The following DIP2C variants were observed in gnomAD, a reference collection of about 807,000 sequenced individuals.
DIP2C encodes the protein DIP2 acetate--CoA ligase C (putative).
Under a neutral mutation model 192.4 loss-of-function variants are expected in DIP2C, and 33 were observed. The ratio of observed to expected loss-of-function variants is 0.17; its 90% CI spans 0.13 to 0.23. The LOEUF is 0.23. Among genes scored for constraint, DIP2C ranks in the 10% least tolerant of loss-of-function variants. DIP2C has a pLI of 1.00. For missense variants in DIP2C, 1,537 were observed against 2,110.1 expected (o/e 0.73, Z 5.32); for synonymous variants, 979 against 864.1 (o/e 1.13, Z -2.33).
intron 1 of DIP2C, among the ~76,000 whole-genome samples, chr10:557,390 C>T (rs370439240): frequency 1.3e-5 from 2 of 151,770 alleles, no homozygotes; most frequent in African/African-American, 4.8e-5. Flanking sequence ...TACAGTCATA[C>T]GTGTGTGTTG....
Position 357,966 on chromosome 10 carries a change from G to T in DIP2C, c.2795-29C>A, listed in dbSNP as rs1420517622. 4 of 1,563,376 alleles carry T rather than the reference G, an allele frequency of 2.6e-6. No homozygotes were observed. The African/African-American group carries it at 5.4e-5, about 21-fold the overall frequency. On this transcript the variant is annotated intron_variant, in intron 22 of 36. Coordinates refer to ENST00000280886, the MANE Select transcript of DIP2C (RefSeq NM_014974.3). Reference sequence around the variant, plus strand: ...GAAAGAAACAGAGACATGGCCATGAGGAAACAAAAGAGAAATTCCTTCAGA... The same window carrying T: ...GAAAGAAACAGAGACATGGCCATGATGAAACAAAAGAGAAATTCCTTCAGA...
chr10:389,853 C>A, intron 13 of DIP2C, 138 bp downstream of exon 13: 1 of 715,802 alleles, frequency 1.4e-6, no homozygotes, highest in East Asian at 2.6e-5. Flanking sequence ...TATCCTAACT[C>A]AACAATAAGT....
In DIP2C at chr10:359,112, C is replaced by T. The variant is rs74993797; in HGVS notation, c.2795-1175G>A. Among the ~76,000 whole-genome samples the T allele has an allele frequency of 3.0e-4, 45 of 152,224 alleles. No individual in the cohort carries two copies. The East Asian group carries it at 7.0e-3, about 24-fold the overall frequency. ...GACACACGTGCCCAGATGCAGCTGA[C>T]GGGGCAGTGGCACAGAACAAGGCTT... On this transcript the variant is annotated intron_variant, in intron 22 of 36. Transcript: ENST00000280886.
chr10:284,559 G>T (rs1258056217), intron 34 of DIP2C, among the ~76,000 whole-genome samples: 2 of 152,228 alleles, frequency 1.3e-5, no homozygotes, highest in African/African-American at 4.8e-5. Context: ...GTTCATAGAA[G>T]CGGAGGGTAA....
At chr10:306,443 C>T (rs2132298899) in intron 32 of DIP2C, among the ~76,000 whole-genome samples, 1 of 152,320 alleles carries the variant, frequency 6.6e-6, no homozygotes, top group African/African-American at 2.4e-5. Context: ...AAGGAAATTG[C>T]ATGTGCATAC....
intron 1 of DIP2C, among the ~76,000 whole-genome samples, chr10:573,765 TAAAAA>T (rs887022859): frequency 5.3e-5 from 8 of 151,060 alleles, no homozygotes; most frequent in African/African-American, 1.2e-4. Flanking sequence ...TGTAGGTACT[TAAAAA>T]AAAAGAACAA....
intron 24 of DIP2C, among the ~76,000 whole-genome samples, chr10:350,353 A>G (rs1009675698): frequency 1.3e-5 from 2 of 152,160 alleles, no homozygotes; most frequent in African/African-American, 4.8e-5. Context: ...TATTTAAGCC[A>G]TAAAGACAAA....
chr10:474,610 C>T (rs1386133900), intron 2 of DIP2C, among the ~76,000 whole-genome samples: 3 of 152,156 alleles, frequency 2.0e-5, no homozygotes, highest in Admixed American at 6.5e-5. Flanking sequence ...AATGCCCCCT[C>T]GTCTCTCCAC....
chr10:450,126 T>C (rs1968735904), intron 3 of DIP2C, among the ~76,000 whole-genome samples: 1 of 152,200 alleles, frequency 6.6e-6, no homozygotes, highest in Non-Finnish European at 1.5e-5. Context: ...ATGTTGCATT[T>C]GAATGACTTT....
At chr10:682,622 AAT>A (rs918007492) in intron 1 of DIP2C, among the ~76,000 whole-genome samples, 2 of 152,226 alleles carry the variant, frequency 1.3e-5, no homozygotes, top group Non-Finnish European at 2.9e-5. Flanking sequence ...AGGGTTCTAA[AAT>A]TACACAGAGA....
chr10:677,527 C>T (rs1429289563), intron 1 of DIP2C, among the ~76,000 whole-genome samples: 1 of 152,168 alleles, frequency 6.6e-6, no homozygotes, highest in African/African-American at 2.4e-5. Context: ...AAGAATCCAG[C>T]ATGATGTACT....
chr10:369,999 G>T, intron 17 of DIP2C: 2 of 985,314 alleles, frequency 2.0e-6, no homozygotes, highest in Non-Finnish European at 2.4e-6. Context: ...TCACTCCACG[G>T]TCTGCTCTTC....
chr10:449,920 C>CAAAAA (rs59135780), intron 3 of DIP2C, among the ~76,000 whole-genome samples: 18 of 135,808 alleles, frequency 1.3e-4, no homozygotes, highest in African/African-American at 3.0e-4. Flanking sequence ...TCAACAACAA[C>CAAAAA]AAAAAAAAAA....
At chr10:333,832 C>T (rs986172538) in intron 29 of DIP2C, among the ~76,000 whole-genome samples, 3 of 152,174 alleles carry the variant, frequency 2.0e-5, no homozygotes, top group Non-Finnish European at 4.4e-5. Flanking sequence ...CCTGTGTTTT[C>T]GGTGACAGCA....
intron 1 of DIP2C, among the ~76,000 whole-genome samples, chr10:635,100 G>A (rs185561012): frequency 3.9e-5 from 6 of 152,252 alleles, no homozygotes; most frequent in African/African-American, 1.2e-4. Flanking sequence ...AGGATTCCAC[G>A]AACCCATGAC....
chr10:689,588 G>A lies in DIP2C; in HGVS notation c.-10C>T. 8.6e-7 allele frequency: 1 copy of A among 1,156,658 alleles called. No individual in the cohort carries two copies. Among genetic ancestry groups the A allele is most frequent in the Middle Eastern group, 3.3e-4 (1 of 3,070 alleles). The allele number at this position is 1,156,658 out of a possible 1,614,324, so 71.6% of individuals were successfully genotyped here. On this transcript the variant is annotated 5_prime_UTR_variant, in exon 1 of 37. Transcript: ENST00000280886. This position sits in a 1 kb window ranked among gnomAD's most constrained non-coding sequence, Gnocchi z 6.1. ...GGCTGCGGTCCGCCATGCTCCGCGG[G>A]CGCCGCGCCCCGCACGGCCTCCTCT...
chr10:386,814 A>G (rs1057425152), intron 14 of DIP2C, among the ~76,000 whole-genome samples: 2 of 152,248 alleles, frequency 1.3e-5, no homozygotes, highest in Non-Finnish European at 2.9e-5. Flanking sequence ...TATTCAAAAG[A>G]AAAATGAGTG....
chr10:337,850 G>C (rs370275248), intron 29 of DIP2C, among the ~76,000 whole-genome samples: 12 of 45,752 alleles, frequency 2.6e-4, no homozygotes, highest in Middle Eastern at 0.013. Flanking sequence ...TGGAGGCCTA[G>C]GTTGATGTGT....
At position 399,043 on chromosome 10, in the gene DIP2C, C is replaced by T. The variant is rs1175094301; in HGVS notation, c.1260+66G>A. 1.7e-5 allele frequency: 23 copies of T among 1,387,304 alleles called. No homozygotes were observed. The South Asian group carries it at 1.9e-4, about 11-fold the overall frequency. The allele number at this position is 1,387,304 out of a possible 1,614,324, so 85.9% of individuals were successfully genotyped here. A position where few individuals can be genotyped will look rare whatever the true frequency, so the allele number is the denominator to read the frequency against. On this transcript the variant is annotated intron_variant, in intron 10 of 36. Transcript: ENST00000280886. ...AACAGCGAGGAGACCCTCACCCAGC[C>T]GGGATACAGCCACCGTGAAAGCCAT...
Sources: gnomAD v4.1 joint callset for allele counts (sites outside exome capture counted in the v4.1 genomes callset) on GRCh38, gnomAD v4.1.1 for gene constraint, Gnocchi (gnomAD v3.1) non-coding constraint, MANE v1.5 for transcripts, NCBI Gene and HGNC (gene_info 2026-07-23, HGNC 2026-07-21) for gene names.